DPYD: variants seen among roughly 807,000 people sequenced by gnomAD.
DPYD encodes dihydropyrimidine dehydrogenase [NADP(+)].
In DPYD, 109 loss-of-function variants were observed where a neutral mutation model predicts 116.2. That is an observed-to-expected ratio of 0.94 (90% confidence interval 0.80 to 1.10). The LOEUF (loss-of-function observed/expected upper bound fraction) is 1.10. Among genes scored for constraint, DPYD ranks in the 50% least tolerant of loss-of-function variants. DPYD has a pLI of 0.00. For missense variants in DPYD, 1,302 were observed against 1,254.5 expected (o/e 1.04, Z -0.57); for synonymous variants, 440 against 432.0 (o/e 1.02, Z -0.23).
chr1:97,157,626 T>C (rs1271579049), intron 20 of DPYD, among the ~76,000 whole-genome samples: 1 of 152,088 alleles, frequency 6.6e-6, no homozygotes, highest in Admixed American at 6.6e-5. Context: ...AGCCAGAACA[T>C]ATGCGACAGA....
intron 18 of DPYD, among the ~76,000 whole-genome samples, chr1:97,245,307 C>T (rs1023030010): frequency 2.6e-5 from 4 of 152,032 alleles, no homozygotes; most frequent in African/African-American, 7.2e-5. Flanking sequence ...AATTCACTGC[C>T]GGGTTTGAAT....
chr1:97,632,925 T>C (rs555150041), intron 8 of DPYD, among the ~76,000 whole-genome samples: 7 of 152,080 alleles, frequency 4.6e-5, no homozygotes, highest in Non-Finnish European at 7.4e-5. Flanking sequence ...AGCCTAAAGA[T>C]AGAGCCAACA....
intron 2 of DPYD, among the ~76,000 whole-genome samples, chr1:97,851,780 T>G (rs1181553867): frequency 6.6e-6 from 1 of 151,756 alleles, no homozygotes; most frequent in Non-Finnish European, 1.5e-5. Context: ...TCAATTATAA[T>G]GCACTATACA....
At chr1:97,179,544 C>G (rs56883628) in intron 20 of DPYD, among the ~76,000 whole-genome samples, 1 of 152,120 alleles carries the variant, frequency 6.6e-6, no homozygotes, top group African/African-American at 2.4e-5. Context: ...GGCAACAAAT[C>G]TTCAAAAGGC....
chr1:97,365,169 CA>C (rs1670961118), intron 16 of DPYD, among the ~76,000 whole-genome samples: 1 of 152,182 alleles, frequency 6.6e-6, no homozygotes, highest in East Asian at 1.9e-4. Context: ...GCCTGAAATG[CA>C]GTCTCCTTTA....
intron 13 of DPYD, among the ~76,000 whole-genome samples, chr1:97,465,254 T>A (rs1677251220): frequency 6.6e-6 from 1 of 152,202 alleles, no homozygotes; most frequent in Non-Finnish European, 1.5e-5. Flanking sequence ...TTCTTTTGAT[T>A]TTACAGCCTC....
rs144102967 is a variant in DPYD, at chr1:97,526,777, G to C, written c.1525-10836C>G. On this transcript the variant is annotated intron_variant, in intron 12 of 22. Transcript: ENST00000370192. ...GCTAATAAAGTGTCAGCTCTGACAA[G>C]CATCAACACATTGTCCAAATGTTAA... is the stretch of plus-strand genomic sequence containing the variant. 5.9e-3 allele frequency among the ~76,000 whole-genome samples: 891 copies of C among 152,252 alleles called. 12 individuals are homozygous for C. Among genetic ancestry groups the C allele is most frequent in the African/African-American group, 0.021 (854 of 41,552 alleles).
intron 16 of DPYD, among the ~76,000 whole-genome samples, chr1:97,359,135 A>G (rs1016042456): frequency 5.9e-5 from 9 of 152,194 alleles, no homozygotes; most frequent in African/African-American, 1.9e-4. Flanking sequence ...GATGGAGTTG[A>G]AAACCATGAC....
chr1:97,197,231 T>C (rs955160566), intron 19 of DPYD, among the ~76,000 whole-genome samples: 1 of 152,192 alleles, frequency 6.6e-6, no homozygotes, highest in African/African-American at 2.4e-5. Context: ...GTGGTGTTTT[T>C]TTCTCACAAC....
chr1:97,911,532 G>A (rs965390491), intron 1 of DPYD, among the ~76,000 whole-genome samples: 1 of 151,954 alleles, frequency 6.6e-6, no homozygotes, highest in African/African-American at 2.4e-5. Context: ...AGAAAAATGT[G>A]TTGAGTCAAA....
intron 2 of DPYD, among the ~76,000 whole-genome samples, chr1:97,850,960 TC>T (rs1366958545): frequency 2.0e-5 from 3 of 152,026 alleles, no homozygotes; most frequent in Non-Finnish European, 4.4e-5. Flanking sequence ...AAATGAATTG[TC>T]CTCTGGTTTC....
chr1:97,245,023 A>G (rs1297922027), intron 18 of DPYD, among the ~76,000 whole-genome samples: 2 of 152,072 alleles, frequency 1.3e-5, no homozygotes, highest in African/African-American at 4.8e-5. Flanking sequence ...TGAAAAAATA[A>G]AATTAGAATT....
chr1:97,312,003 T>C (rs1325617053), intron 16 of DPYD, among the ~76,000 whole-genome samples: 1 of 151,634 alleles, frequency 6.6e-6, no homozygotes, highest in Non-Finnish European at 1.5e-5. Context: ...TTTTGAGGTG[T>C]TGGAGATGTT....
chr1:97,396,328 T>C (rs1482182946), intron 14 of DPYD, among the ~76,000 whole-genome samples: 1 of 127,266 alleles, frequency 7.9e-6, no homozygotes, highest in East Asian at 2.5e-4. Context: ...ATAATATTTA[T>C]ACTTTGAATG....
intron 16 of DPYD, among the ~76,000 whole-genome samples, chr1:97,319,048 A>C (rs1176643661): frequency 4.6e-5 from 2 of 43,396 alleles, no homozygotes; most frequent in African/African-American, 2.1e-4. Context: ...ACAAAGACAC[A>C]ACATACCAGA....
chr1:97,257,215 G>A (rs1023339193), intron 18 of DPYD, among the ~76,000 whole-genome samples: 3 of 151,456 alleles, frequency 2.0e-5, no homozygotes, highest in Non-Finnish European at 4.4e-5. Context: ...ATAATAGGTT[G>A]GATAATATGA....
rs533797242 is a variant in DPYD, at chr1:97,577,871, C to T, written c.1129-3901G>A. ...TTAATTAATTTGAGACGGAGTTTCG[C>T]TCTGTTGCCAGTTGCCCAGGCTGGA... On this transcript the variant is annotated intron_variant, in intron 10 of 22. Transcript: ENST00000370192. Among the ~76,000 whole-genome samples the T allele has an allele frequency of 7.9e-5, 12 of 151,792 alleles. No individual in the cohort carries two copies. The South Asian group carries it at 2.1e-3, about 26-fold the overall frequency.
intron 15 of DPYD, among the ~76,000 whole-genome samples, chr1:97,374,497 G>A (rs1229719359): frequency 6.6e-6 from 1 of 151,796 alleles, no homozygotes; most frequent in African/African-American, 2.4e-5. Flanking sequence ...AAGGCAGGCA[G>A]ATCATGAGGT....
At chr1:97,237,241 CAAAAAAAAAAAAAAAA>C (rs58926889) in intron 18 of DPYD, among the ~76,000 whole-genome samples, 13,902 of 58,420 alleles carry the variant, frequency 0.24, 1,111 homozygotes, top group East Asian at 0.54. Flanking sequence ...GATTCTGTCT[CAAAAAAAAAAAAAAAA>C]AAAAAAAAAA....
Sources: gnomAD v4.1 joint callset for allele counts (sites outside exome capture counted in the v4.1 genomes callset) on GRCh38, gnomAD v4.1.1 for gene constraint, MANE v1.5 for transcripts, NCBI Gene and HGNC (gene_info 2026-07-23, HGNC 2026-07-21) for gene names.